UPRT: variants seen among roughly 807,000 people sequenced by gnomAD.
UPRT encodes the protein RP11-311P8.3.
Under a neutral mutation model 22.6 loss-of-function variants are expected in UPRT, and 5 were observed. The observed-to-expected ratio is 0.22, with a 90% CI of 0.12 to 0.47. The LOEUF is 0.47. Ranked by LOEUF, UPRT falls within the 20% of genes least tolerant of loss-of-function variation. The pLI is 0.99. For synonymous variants in UPRT, 77 were observed against 87.7 expected (o/e 0.88, Z 0.68); for missense variants, 181 against 239.9 (o/e 0.75, Z 1.62).
intron 1 of UPRT, among the ~76,000 whole-genome samples, chrX:75,276,644 A>G (rs2082632928): frequency 8.9e-6 from 1 of 112,044 alleles, no homozygotes; most frequent in South Asian, 3.7e-4. Context: ...AGATGGGTTC[A>G]GGGCTTTAAC....
chrX:75,227,435 TATC>T (rs2082426611), intron 4 of UPRT, among the ~76,000 whole-genome samples: 1 of 111,059 alleles, frequency 9.0e-6, no homozygotes, highest in Non-Finnish European at 1.9e-5. Context: ...ATTGAACAAA[TATC>T]ATAATAAGAT....
chrX:75,247,365 T>A (rs1426721282), intron 4 of UPRT, among the ~76,000 whole-genome samples: 2 of 111,191 alleles, frequency 1.8e-5, no homozygotes, highest in Non-Finnish European at 3.8e-5. Context: ...ACCTGGAATA[T>A]CGGGTCACTC....
intron 1 of UPRT, among the ~76,000 whole-genome samples, chrX:75,159,042 A>C (rs183860377): frequency 7.1e-5 from 8 of 111,939 alleles, no homozygotes; most frequent in Non-Finnish European, 1.5e-4. Context: ...GCCCTACTGT[A>C]CTATAGAACA....
At chrX:75,299,683 G>A (rs1286339775) in intron 4 of UPRT, 52 bp from the exon 5 acceptor site, 2 of 1,134,590 alleles carry the variant, frequency 1.8e-6, no homozygotes, top group Non-Finnish European at 1.2e-6. Context: ...CCTGTTCTTG[G>A]ACTTTCTCTC....
At chrX:75,220,613 T>C (rs1052460358) in intron 4 of UPRT, among the ~76,000 whole-genome samples, 6 of 111,568 alleles carry the variant, frequency 5.4e-5, no homozygotes, top group African/African-American at 1.9e-4. Flanking sequence ...TGCTTGCAAA[T>C]ACTATTGTAT....
upstream of UPRT, among the ~76,000 whole-genome samples, chrX:75,271,733 C>T (rs1290997027): frequency 9.0e-6 from 1 of 111,701 alleles, no homozygotes; most frequent in African/African-American, 3.3e-5. Context: ...AGAAAATCTT[C>T]ACAATCTATA....
chrX:75,212,465 G>A (rs1015790429), intron 4 of UPRT, among the ~76,000 whole-genome samples: 3 of 111,927 alleles, frequency 2.7e-5, no homozygotes, highest in Non-Finnish European at 5.6e-5. Context: ...AAATCAAGAA[G>A]TTCTTTGAAA....
chrX:75,162,596 C>T (rs2082203338), intron 2 of UPRT, among the ~76,000 whole-genome samples: 1 of 111,376 alleles, frequency 9.0e-6, no homozygotes, highest in African/African-American at 3.3e-5. Flanking sequence ...TTGAGTGTGA[C>T]ATCAATTTTT....
chrX:75,267,984 G>A (rs938795721), intron 4 of UPRT, among the ~76,000 whole-genome samples: 5 of 111,065 alleles, frequency 4.5e-5, no homozygotes, highest in Admixed American at 9.7e-5. Context: ...CTGGTTTTTC[G>A]AAAAGATCAA....
intron 1 of UPRT, among the ~76,000 whole-genome samples, chrX:75,288,050 C>T (rs113987364): frequency 1.8e-5 from 2 of 111,642 alleles, no homozygotes; most frequent in Non-Finnish European, 3.8e-5. Context: ...ATGAACAACT[C>T]TAGATGCAGA....
At chrX:75,219,051 T>A (rs905664783) in intron 4 of UPRT, among the ~76,000 whole-genome samples, 6 of 110,081 alleles carry the variant, frequency 5.5e-5, no homozygotes, top group Admixed American at 9.7e-5. Flanking sequence ...TAATAAAATT[T>A]AAAAAAAAAG....
chrX:75,180,695 G>GTTTTTTTTTTTTTTTTTTTTTTTTTT (rs61040746), intron 4 of UPRT, among the ~76,000 whole-genome samples: 4 of 34,658 alleles, frequency 1.2e-4, no homozygotes, highest in Non-Finnish European at 1.8e-4. Flanking sequence ...TTTTTTTTTT[G>GTTTTTTTTTTTTTTTTTTTTTTTTTT]TTTTTTTTTT....
intron 4 of UPRT, among the ~76,000 whole-genome samples, chrX:75,178,811 T>C (rs1195677582): frequency 9.0e-6 from 1 of 111,117 alleles, no homozygotes; most frequent in African/African-American, 3.3e-5. Context: ...GCAAGATTTA[T>C]TGTAAAGAGT....
chrX:75,232,575 G>A (rs757300184), intron 4 of UPRT, among the ~76,000 whole-genome samples: 142 of 112,166 alleles, frequency 1.3e-3, no homozygotes, highest in African/African-American at 4.4e-3. Context: ...CTCCCAGCAC[G>A]CAGCTGGAGA....
At chrX:75,269,632 C>T (rs1223024594), upstream of UPRT, among the ~76,000 whole-genome samples, 2 of 111,453 alleles carry the variant, frequency 1.8e-5, no homozygotes, top group African/African-American at 6.5e-5. Context: ...TTTGACAAAT[C>T]TGACAAAAAC....
intron 4 of UPRT, among the ~76,000 whole-genome samples, chrX:75,236,111 A>G (rs1328864320): frequency 8.9e-6 from 1 of 111,763 alleles, no homozygotes; most frequent in Non-Finnish European, 1.9e-5. Flanking sequence ...CTCGGGATAC[A>G]AAATCAATGT....
At chrX:75,247,293 C>A (rs952074867) in intron 4 of UPRT, among the ~76,000 whole-genome samples, 4 of 111,128 alleles carry the variant, frequency 3.6e-5, no homozygotes, top group African/African-American at 1.3e-4. Flanking sequence ...TTGCCTCATC[C>A]GGGAAGCGCA....
intron 4 of UPRT, among the ~76,000 whole-genome samples, chrX:75,209,480 T>C (rs2082374908): frequency 8.9e-6 from 1 of 112,026 alleles, no homozygotes; most frequent in Non-Finnish European, 1.9e-5. Flanking sequence ...TTCAAGTGAT[T>C]CTCCTGCCTC....
At chrX:75,255,475 C>T in intron 4 of UPRT, among the ~76,000 whole-genome samples, 1 of 111,379 alleles carries the variant, frequency 9.0e-6, no homozygotes, top group Non-Finnish European at 1.9e-5. Context: ...ATATAGGCAA[C>T]AGATAGCACA....
Sources: gnomAD v4.1 joint callset for allele counts (sites outside exome capture counted in the v4.1 genomes callset) on GRCh38, gnomAD v4.1.1 for gene constraint, MANE v1.5 for transcripts, NCBI Gene and HGNC (gene_info 2026-07-23, HGNC 2026-07-21) for gene names.